The following CD164 variants were observed in gnomAD, a reference collection of about 807,000 sequenced individuals.
The protein encoded by CD164 is CD164 molecule, also known as sialomucin core protein 24.
In CD164, 11 loss-of-function variants were observed where a neutral mutation model predicts 24.6. The observed-to-expected ratio is 0.45, with a 90% CI of 0.28 to 0.74. The LOEUF (loss-of-function observed/expected upper bound fraction) is 0.74. CD164 is among the 30% of genes least tolerant of loss of function. The probability of loss-of-function intolerance (pLI) is 0.13; values close to 1 mark genes in which losing one functional copy is unlikely to be tolerated. For synonymous variants in CD164, 126 were observed against 100.3 expected (o/e 1.26, Z -1.53); for missense variants, 295 against 243.7 (o/e 1.21, Z -1.40).
Position 109,382,419 on chromosome 6 carries a change from G to T in CD164, c.-41C>A, listed in dbSNP as rs190842782. The T allele has an allele frequency of 1.4e-6, 2 of 1,467,632 alleles. No homozygotes were observed. The highest frequency in any genetic ancestry group is 2.9e-5 in the African/African-American group (2 of 70,032). 90.9% of individuals were successfully genotyped at this position (1,467,632 alleles called of 1,614,324 possible). On this transcript the variant is annotated 5_prime_UTR_variant, in exon 1 of 6. Coordinates refer to ENST00000310786, the MANE Select transcript of CD164 (RefSeq NM_006016.6). ...GGCGTTCGGGAGAAAGCTAAGGCTC[G>T]CAACGCTCAGTCAACCCCTCAATCC...
intron 4 of CD164, among the ~76,000 whole-genome samples, chr6:109,374,080 T>C (rs1771262533): frequency 6.6e-6 from 1 of 152,232 alleles, no homozygotes; most frequent in African/African-American, 2.4e-5. Context: ...TGGGCTTTTT[T>C]ACTACCCTAC....
intron 1 of CD164, 120 bp downstream of exon 1, chr6:109,382,084 C>G: frequency 1.1e-6 from 1 of 883,604 alleles, no homozygotes; most frequent in Non-Finnish European, 1.5e-6. Flanking sequence ...CGCCGCCGCA[C>G]CCCGAGCGCG....
Position 109,369,011 on chromosome 6 carries a change from G to A in CD164, c.434C>T (p.Thr145Ile), listed in dbSNP as rs777276835. The A allele has an allele frequency of 6.2e-7, 1 of 1,609,964 alleles. No homozygotes were observed. Among genetic ancestry groups the A allele is most frequent in the Non-Finnish European group, 8.5e-7 (1 of 1,178,620 alleles). ...TGAGGTTGGAGTCACAGTGTTATTT[G>A]TTGTACCTGTTAGATAAGACAAAAG... ...TSKTVTTSGT[T>I]NNTVTPTSQP... Residue 145 changes from threonine (T) to isoleucine (I), a missense_variant, in exon 6 of 6, where the codon ACA (threonine) becomes ATA (isoleucine). Physicochemically the swap from Thr to Ile is moderately conservative, Grantham distance 89. Transcript: ENST00000310786.
intron 1 of CD164, 146 bp downstream of exon 1, chr6:109,382,058 G>T: frequency 1.6e-6 from 1 of 616,972 alleles, no homozygotes; most frequent in Non-Finnish European, 2.3e-6. Flanking sequence ...CAGGCTGGCC[G>T]CCATGTTGCC....
Position 109,376,082 on chromosome 6 carries a change from T to C in CD164, c.362A>G (p.Asn121Ser), listed in dbSNP as rs771601649. The change falls in exon 4 of 6, where the codon AAT (asparagine) becomes AGT (serine). Residue 121 changes from asparagine (N) to serine (S), a missense_variant. Coordinates refer to ENST00000310786, the MANE Select transcript of CD164 (RefSeq NM_006016.6). ...VSTATPVPTA[N>S]STAKPTVQPS... ...CAGTCATCTTGAATTACCTGTAGAATTGGCTGTTGGCACTGGAGTGGCCGT... is the reference window on the plus strand; with the variant it reads ...CAGTCATCTTGAATTACCTGTAGAACTGGCTGTTGGCACTGGAGTGGCCGT... 136 of 1,570,526 alleles carry C rather than the reference T, an allele frequency of 8.7e-5. No homozygotes were observed. Among genetic ancestry groups the C allele is most frequent in the Admixed American group, 3.1e-4 (14 of 45,208 alleles).
At chr6:109,374,689 G>A (rs185110559) in intron 4 of CD164, among the ~76,000 whole-genome samples, 176 of 152,262 alleles carry the variant, frequency 1.2e-3, no homozygotes, top group South Asian at 4.4e-3. Flanking sequence ...TGCTCACCTG[G>A]TGAGCAACTG....
intron 4 of CD164, 30 bp downstream of exon 4, chr6:109,376,043 GA>G: frequency 6.6e-7 from 1 of 1,524,638 alleles, no homozygotes. Flanking sequence ...AATACTGAAG[GA>G]AAAGGAAGAA....
rs1313513183 is a variant in CD164, at chr6:109,368,324, T to C, written c.*527A>G. On this transcript the variant is annotated 3_prime_UTR_variant, in exon 6 of 6. Transcript: ENST00000310786. ...TGTAGTTCCTTGTGTGGCATCTTAT[T>C]TCTAATGTAGAAAAAACAGCTGTTA... 6.5e-7 allele frequency: 1 copy of C among 1,542,450 alleles called. No homozygotes were observed.
At position 109,382,188 on chromosome 6, in the gene CD164, C is replaced by T. The variant is rs1885691; in HGVS notation, c.175+16G>A. The T allele has an allele frequency of 0.45, 680,152 of 1,522,414 alleles. 156,810 individuals are homozygous for T. Among genetic ancestry groups the T allele is most frequent in the African/African-American group, 0.72 (51,538 of 71,764 alleles). 94.3% of individuals were successfully genotyped at this position (1,522,414 alleles called of 1,614,324 possible). A position where few individuals can be genotyped will look rare whatever the true frequency, so the allele number is the denominator to read the frequency against. ...TGGGCAGGGGAGGGCGGGAAGCCCA[C>T]AGGGCCCGCGCCCACCTGGTGCCGG... On this transcript the variant is annotated intron_variant, in intron 1 of 5. Coordinates refer to ENST00000310786, the MANE Select transcript of CD164 (RefSeq NM_006016.6).
rs762977439 is a variant in CD164, at chr6:109,379,617, C to T, written c.221G>A (p.Ser74Asn). 61 of 1,613,498 alleles carry T rather than the reference C, an allele frequency of 3.8e-5. No homozygotes were observed. In the East Asian group the frequency reaches 1.3e-3, roughly 34 times the overall value. ...RNSCVSCFNVSVVNTTCFWIE... is the reference protein window; with the variant it reads ...RNSCVSCFNVNVVNTTCFWIE... ...CCAAAAGCAGGTAGTATTAACAACG[C>T]TAACATTAAAACAGGAAACGCAGCT... Residue 74 changes from serine (S) to asparagine (N), a missense_variant, in exon 2 of 6, where the codon AGC becomes AAC. Coordinates refer to ENST00000310786, the MANE Select transcript of CD164 (RefSeq NM_006016.6).
chr6:109,372,879 A>G (rs1562237790), intron 4 of CD164: 1 of 152,236 alleles, frequency 6.6e-6, no homozygotes, highest in Non-Finnish European at 1.5e-5. Flanking sequence ...CCTCAGAACA[A>G]GGTAAAAACT....
At chr6:109,382,136 C>T (rs1771792570) in intron 1 of CD164, 68 bp downstream of exon 1, 2 of 1,294,356 alleles carry the variant, frequency 1.5e-6, no homozygotes, top group Non-Finnish European at 2.0e-6. Context: ...GCCCCGCCCG[C>T]ACGGCGAGGA....
At chr6:109,372,285 T>C (rs551577680) in intron 4 of CD164, 5 of 152,294 alleles carry the variant, frequency 3.3e-5, no homozygotes, top group African/African-American at 7.2e-5. Context: ...TTTTCAGATA[T>C]TGCTAAATAC....
intron 4 of CD164, 101 bp downstream of exon 4, chr6:109,375,973 A>T (rs1250104240): frequency 3.2e-6 from 3 of 929,638 alleles, no homozygotes; most frequent in Non-Finnish European, 4.8e-6. Context: ...ACTCATCTTT[A>T]AAATTATACT....
At chr6:109,382,069 G>T in intron 1 of CD164, 135 bp downstream of exon 1, 2 of 707,606 alleles carry the variant, frequency 2.8e-6, no homozygotes, top group Non-Finnish European at 3.9e-6. Context: ...CCATGTTGCC[G>T]GAGTCGCCGC....
intron 1 of CD164, among the ~76,000 whole-genome samples, chr6:109,380,688 T>G (rs1771687927): frequency 6.6e-6 from 1 of 152,242 alleles, no homozygotes. Flanking sequence ...GAACTAAACT[T>G]GCTACCTTTC....
intron 3 of CD164, among the ~76,000 whole-genome samples, chr6:109,376,353 A>T (rs1771408082): frequency 6.6e-6 from 1 of 152,166 alleles, no homozygotes. Context: ...CCTAGTCTCC[A>T]GTGCTTCCAG....
Position 109,376,117 on chromosome 6 carries a change from TAAAAAAA to T in CD164, c.332-12_332-6del. On this transcript the variant is annotated splice_region_variant and splice_polypyrimidine_tract_variant and intron_variant, in intron 3 of 5. Coordinates refer to ENST00000310786, the MANE Select transcript of CD164 (RefSeq NM_006016.6). Reference sequence around the variant, plus strand: ...GCACTGGAGTGGCCGTGGAAACTATTAAAAAAAGAAAAAAGAAAAACCATATACATCA... The same window carrying T: ...GCACTGGAGTGGCCGTGGAAACTATTGAAAAAAGAAAAACCATATACATCA... The T allele has an allele frequency of 2.6e-6, 4 of 1,561,620 alleles. No individual in the cohort carries two copies. Among genetic ancestry groups the T allele is most frequent in the Non-Finnish European group, 3.4e-6 (4 of 1,165,120 alleles).
In CD164 at chr6:109,370,458, G is replaced by A. The variant is rs768151550; in HGVS notation, c.380C>T (p.Thr127Ile). 8.7e-6 allele frequency: 14 copies of A among 1,612,406 alleles called. No homozygotes were observed. Among genetic ancestry groups the A allele is most frequent in the Non-Finnish European group, 1.2e-5 (14 of 1,179,158 alleles). Residue 127 changes from threonine to isoleucine, a missense_variant, in exon 5 of 6, where the codon ACA (threonine) becomes ATA (isoleucine). By Grantham distance (89) the Thr-to-Ile change is moderately conservative. Coordinates refer to ENST00000310786, the MANE Select transcript of CD164 (RefSeq NM_006016.6). ...AGTTGTAGAAGGGGAGGGCTGAACT[G>A]TGGGTTTAGCTGGAATGAAAACAAA... ...VPTANSTAKP[T>I]VQPSPSTTSK...
Sources: gnomAD v4.1 joint callset for allele counts (sites outside exome capture counted in the v4.1 genomes callset) on GRCh38, gnomAD v4.1.1 for gene constraint, MANE v1.5 for transcripts, NCBI Gene and HGNC (gene_info 2026-07-23, HGNC 2026-07-21) for gene names.